The following EDNRA variants were observed in gnomAD, a reference collection of about 807,000 sequenced individuals.
EDNRA encodes the protein endothelin receptor type A.
A neutral mutation model predicts 41.4 loss-of-function variants in EDNRA; 11 were observed. The ratio of observed to expected loss-of-function variants is 0.27; its 90% CI spans 0.17 to 0.44. The LOEUF (loss-of-function observed/expected upper bound fraction) is 0.44, where lower values mean the gene tolerates loss of function less well. EDNRA is among the 20% of genes least tolerant of loss of function. The probability of loss-of-function intolerance (pLI) is 1.00; values close to 1 mark genes in which losing one functional copy is unlikely to be tolerated. For missense variants in EDNRA, 294 were observed against 531.0 expected (o/e 0.55, Z 4.39); for synonymous variants, 172 against 183.0 (o/e 0.94, Z 0.49).
chr4:147,484,544 G>A (rs115731942), intron 1 of EDNRA, among the ~76,000 whole-genome samples: 75 of 152,166 alleles, frequency 4.9e-4, no homozygotes, highest in African/African-American at 1.7e-3. Context: ...AAATTGAACC[G>A]TGGATCTACC....
chr4:147,524,406 G>A (rs1180336091), intron 3 of EDNRA, among the ~76,000 whole-genome samples: 1 of 151,840 alleles, frequency 6.6e-6, no homozygotes, highest in Non-Finnish European at 1.5e-5. Flanking sequence ...TTCATCTCAT[G>A]CATGAAGAAA....
intron 2 of EDNRA, among the ~76,000 whole-genome samples, chr4:147,504,533 G>A (rs7684717): frequency 0.015 from 2,243 of 152,164 alleles, 56 homozygotes; most frequent in African/African-American, 0.048. Context: ...TTAAAAATTT[G>A]TAATTTCTCT....
At chr4:147,502,392 G>T (rs1381322875) in intron 2 of EDNRA, among the ~76,000 whole-genome samples, 1 of 152,080 alleles carries the variant, frequency 6.6e-6, no homozygotes, top group Non-Finnish European at 1.5e-5. Flanking sequence ...TTGATATTTA[G>T]AAGAAGGATT....
chr4:147,515,556 G>C (rs767678069), intron 2 of EDNRA, among the ~76,000 whole-genome samples: 28 of 152,252 alleles, frequency 1.8e-4, no homozygotes, highest in Middle Eastern at 3.4e-3. Context: ...AGCACAATAA[G>C]AGCTAAGCTT....
intron 2 of EDNRA, among the ~76,000 whole-genome samples, chr4:147,501,083 T>C (rs74816938): frequency 1.3e-5 from 2 of 152,170 alleles, no homozygotes; most frequent in Admixed American, 6.5e-5. Context: ...TGAACCCTCA[T>C]GAAGTGATAA....
intron 2 of EDNRA, among the ~76,000 whole-genome samples, chr4:147,501,186 T>A (rs1237916542): frequency 6.6e-6 from 1 of 152,202 alleles, no homozygotes; most frequent in African/African-American, 2.4e-5. Flanking sequence ...AGCCAGAAAT[T>A]TTGGATAAAT....
intron 5 of EDNRA, among the ~76,000 whole-genome samples, chr4:147,539,084 G>A: frequency 6.6e-6 from 1 of 151,868 alleles, no homozygotes; most frequent in Non-Finnish European, 1.5e-5. Flanking sequence ...TCCGTCCAAG[G>A]TCAGCATGTT....
chr4:147,503,834 G>A (rs57886575), intron 2 of EDNRA, among the ~76,000 whole-genome samples: 57,775 of 151,744 alleles, frequency 0.38, 11,738 homozygotes, highest in African/African-American at 0.54. Context: ...ATGTTATATT[G>A]ATGGATATTT....
intron 2 of EDNRA, chr4:147,506,296 A>G (rs1033413912): frequency 2.2e-6 from 1 of 461,544 alleles, no homozygotes; most frequent in Admixed American, 2.4e-5. Context: ...ATTGGAGGCC[A>G]TATATGAACA....
chr4:147,498,972 C>G (rs10012917), intron 2 of EDNRA, among the ~76,000 whole-genome samples: 7,839 of 152,304 alleles, frequency 0.051, 663 homozygotes, highest in African/African-American at 0.18. Flanking sequence ...GGCATAATCT[C>G]AAGAAATCAA....
At chr4:147,509,572 T>G (rs1027749710) in intron 2 of EDNRA, among the ~76,000 whole-genome samples, 7 of 152,170 alleles carry the variant, frequency 4.6e-5, no homozygotes, top group African/African-American at 1.7e-4. Flanking sequence ...AGGCAAGCAG[T>G]GAAGCTTCCT....
intron 2 of EDNRA, among the ~76,000 whole-genome samples, chr4:147,503,974 A>T (rs992198155): frequency 3.3e-5 from 5 of 152,170 alleles, no homozygotes; most frequent in African/African-American, 4.8e-5. Context: ...AAACAAAAAA[A>T]TTATTTAGTG....
chr4:147,504,591 A>G (rs550484121), intron 2 of EDNRA, among the ~76,000 whole-genome samples: 45 of 152,324 alleles, frequency 3.0e-4, no homozygotes, highest in African/African-American at 1.0e-3. Flanking sequence ...AACATGATCC[A>G]TAAGGAAAAA....
chr4:147,497,250 G>A (rs1163646518), intron 2 of EDNRA, among the ~76,000 whole-genome samples: 3 of 138,944 alleles, frequency 2.2e-5, no homozygotes, highest in Admixed American at 8.1e-5. Context: ...TCTCATCTCA[G>A]CCTCCCAAAT....
chr4:147,539,786 G>A (rs1731035816), intron 5 of EDNRA, 31 bp from the exon 6 acceptor site: 4 of 1,598,584 alleles, frequency 2.5e-6, no homozygotes, highest in South Asian at 1.1e-5. Flanking sequence ...CACTAAATTT[G>A]TTGTCCTATT....
chr4:147,489,547 C>T (rs1437010015), intron 2 of EDNRA: 3 of 152,192 alleles, frequency 2.0e-5, no homozygotes, highest in East Asian at 1.9e-4. Context: ...TGTACTGAAA[C>T]GGTTTCATAG....
chr4:147,515,660 A>G (rs563485066), intron 2 of EDNRA, among the ~76,000 whole-genome samples: 1 of 152,140 alleles, frequency 6.6e-6, no homozygotes. Flanking sequence ...TAGGGCATAA[A>G]TTTCACAACT....
intron 2 of EDNRA, among the ~76,000 whole-genome samples, chr4:147,515,878 T>C (rs1450720828): frequency 6.6e-6 from 1 of 152,192 alleles, no homozygotes; most frequent in African/African-American, 2.4e-5. Context: ...GTACAAGTTC[T>C]TCCCTAAATC....
intron 4 of EDNRA, 81 bp downstream of exon 4, chr4:147,532,785 T>TTGTGG: frequency 5.0e-6 from 7 of 1,408,958 alleles, no homozygotes; most frequent in Non-Finnish European, 6.0e-6. Flanking sequence ...CTTGATGACA[T>TTGTGG]CGCCACAATG....
Sources: allele counts gnomAD v4.1 joint callset (sites outside exome capture counted in the v4.1 genomes callset), GRCh38; gene constraint gnomAD v4.1.1; transcripts MANE v1.5; gene names NCBI Gene and HGNC (gene_info 2026-07-23, HGNC 2026-07-21).